The following RNFT2 variants were observed in gnomAD, a reference collection of about 807,000 sequenced individuals.
The protein encoded by RNFT2 is ring finger protein, transmembrane 2.
In RNFT2, 36 loss-of-function variants were observed where a neutral mutation model predicts 53.0. The ratio of observed to expected loss-of-function variants is 0.68; its 90% CI spans 0.52 to 0.90. The LOEUF (loss-of-function observed/expected upper bound fraction) is 0.90, where lower values mean the gene tolerates loss of function less well. Ranked by LOEUF, RNFT2 falls within the 40% of genes least tolerant of loss-of-function variation. RNFT2 has a pLI of 0.00. For missense variants in RNFT2, 514 were observed against 585.6 expected, an observed-to-expected ratio of 0.88 and a Z score of 1.26; for synonymous variants, 260 against 253.2, an observed-to-expected ratio of 1.03 and a Z score of -0.26.
intron 7 of RNFT2, among the ~76,000 whole-genome samples, chr12:116,797,311 G>T (rs1197645672): frequency 2.0e-5 from 3 of 152,186 alleles, no homozygotes; most frequent in Non-Finnish European, 2.9e-5. Flanking sequence ...TGTAATCCCA[G>T]CACTTTGGGA....
intron 7 of RNFT2, among the ~76,000 whole-genome samples, chr12:116,832,895 G>GTTTT (rs1331079468): frequency 1.2e-5 from 1 of 82,798 alleles, no homozygotes; most frequent in Non-Finnish European, 2.4e-5. Context: ...CCCAAGTCGT[G>GTTTT]TTCTTTTTTT....
intron 5 of RNFT2, chr12:116,755,765 C>G: frequency 6.7e-7 from 1 of 1,492,160 alleles, no homozygotes; most frequent in South Asian, 1.1e-5. Flanking sequence ...TACGATATCA[C>G]CTTTCTTATA....
At chr12:116,841,828 TATATAA>T (rs1212586748) in intron 10 of RNFT2, among the ~76,000 whole-genome samples, 2 of 29,718 alleles carry the variant, frequency 6.7e-5, no homozygotes, top group East Asian at 1.4e-3. Context: ...AAAATATATA[TATATAA>T]ATATATATAT....
At chr12:116,832,148 A>AAATATATATATATATAT (rs1555209702) in intron 7 of RNFT2, among the ~76,000 whole-genome samples, 9 of 55,174 alleles carry the variant, frequency 1.6e-4, no homozygotes, top group African/African-American at 6.3e-4. Flanking sequence ...AAAAAAAAAA[A>AAATATATATATATATAT]ATATATATAT....
chr12:116,778,439 G>A (rs902755672), intron 6 of RNFT2, among the ~76,000 whole-genome samples: 3 of 152,218 alleles, frequency 2.0e-5, no homozygotes, highest in Non-Finnish European at 4.4e-5. Context: ...CTGGGGTTTT[G>A]TCTGCTTCCC....
chr12:116,747,479 C>G (rs1871952324), intron 3 of RNFT2, among the ~76,000 whole-genome samples: 1 of 152,020 alleles, frequency 6.6e-6, no homozygotes, highest in African/African-American at 2.4e-5. Context: ...CTCTAGGGAG[C>G]TATGATCACA....
At position 116,806,381 on chromosome 12, in the gene RNFT2, A is replaced by ATATAT. The variant is rs1555207575; in HGVS notation, c.882+27033_882+27034insTATAT. Among the ~76,000 whole-genome samples, 38 of 133,468 alleles carry ATATAT rather than the reference A, an allele frequency of 2.8e-4. 1 individual carries two copies. Among genetic ancestry groups the ATATAT allele is most frequent in the South Asian group, 4.7e-4 (2 of 4,292 alleles). The allele number at this position is 133,468 out of a possible 152,430, so 87.6% of individuals were successfully genotyped here. A position where few individuals can be genotyped will look rare whatever the true frequency, so the allele number is the denominator to read the frequency against. Reference sequence around the variant, plus strand: ...TGAGACTGTCTCAAAAAAAAAAAAAAATATATATATATATATATAGATAGA... The same window carrying ATATAT: ...TGAGACTGTCTCAAAAAAAAAAAAAATATATATATATATATATATATATAGATAGA... On this transcript the variant is annotated intron_variant, in intron 7 of 10. Coordinates refer to ENST00000257575, the MANE Select transcript of RNFT2 (RefSeq NM_001382266.1).
At chr12:116,841,868 TAAATATATATATAAATATATATAA>T (rs1877319352) in intron 10 of RNFT2, among the ~76,000 whole-genome samples, 2 of 25,762 alleles carry the variant, frequency 7.8e-5, no homozygotes, top group South Asian at 7.2e-4. Context: ...AATATATATA[TAAATATATATATAAATATATATAA>T]AAATATATAT....
Position 116,789,960 on chromosome 12 carries a change from G to GTGGATGGATGGATGGA in RNFT2, c.882+10630_882+10645dup, listed in dbSNP as rs71095596. Among the ~76,000 whole-genome samples, 644 of 146,276 alleles carry GTGGATGGATGGATGGA rather than the reference G, an allele frequency of 4.4e-3. 1 individual carries two copies. Among genetic ancestry groups the GTGGATGGATGGATGGA allele is most frequent in the Non-Finnish European group, 6.6e-3 (439 of 66,536 alleles). ...GGATGGATGGATGGTGGATGGGTGGGTGGATGGATGGATGGATGGATGGAT... is the reference window on the plus strand; with the variant it reads ...GGATGGATGGATGGTGGATGGGTGGGTGGATGGATGGATGGATGGATGGATGGATGGATGGATGGAT... On this transcript the variant is annotated intron_variant, in intron 7 of 10. Coordinates refer to ENST00000257575, the MANE Select transcript of RNFT2 (RefSeq NM_001382266.1).
intron 7 of RNFT2, among the ~76,000 whole-genome samples, chr12:116,806,019 A>AC (rs1875030679): frequency 6.6e-6 from 1 of 152,224 alleles, no homozygotes; most frequent in Non-Finnish European, 1.5e-5. Context: ...ATTAAACTAA[A>AC]CATATAGTCC....
intron 4 of RNFT2, among the ~76,000 whole-genome samples, chr12:116,752,854 G>A (rs537197150): frequency 3.9e-5 from 6 of 152,106 alleles, no homozygotes; most frequent in Non-Finnish European, 7.4e-5. Flanking sequence ...CTCCAGCCTG[G>A]GCGACAGAGT....
At chr12:116,763,651 C>T (rs371167096) in intron 5 of RNFT2, among the ~76,000 whole-genome samples, 23 of 150,952 alleles carry the variant, frequency 1.5e-4, no homozygotes, top group African/African-American at 5.1e-4. Context: ...TGGTGGCAGA[C>T]GCCTGTAGTC....
chr12:116,799,595 G>T (rs962482589), intron 7 of RNFT2, among the ~76,000 whole-genome samples: 1 of 151,984 alleles, frequency 6.6e-6, no homozygotes, highest in Admixed American at 6.6e-5. Context: ...TTTTAACAGC[G>T]GTTGTGTGTA....
intron 6 of RNFT2, among the ~76,000 whole-genome samples, chr12:116,767,265 A>C (rs1407377853): frequency 2.0e-5 from 3 of 152,118 alleles, no homozygotes; most frequent in Non-Finnish European, 2.9e-5. Flanking sequence ...TGCATCACCC[A>C]GGCTGGCAGT....
chr12:116,837,520 A>T (rs1877041665), intron 10 of RNFT2, among the ~76,000 whole-genome samples: 1 of 151,944 alleles, frequency 6.6e-6, no homozygotes, highest in South Asian at 2.1e-4. Flanking sequence ...ATCGACAAGC[A>T]TTTTTGTTGC....
chr12:116,848,427 C>CT (rs1877727938), intron 10 of RNFT2, among the ~76,000 whole-genome samples: 1 of 152,172 alleles, frequency 6.6e-6, no homozygotes, highest in East Asian at 1.9e-4. Flanking sequence ...TATCAGGTCA[C>CT]TCCTCTGCTC....
At position 116,750,359 on chromosome 12, in the gene RNFT2, C is replaced by T. The variant is rs141825883; in HGVS notation, c.550+52C>T. The T allele has an allele frequency of 2.5e-4, 380 of 1,530,880 alleles. 2 individuals carry two copies. The African/African-American group carries it at 4.9e-3, about 20-fold the overall frequency. The allele number at this position is 1,530,880 out of a possible 1,614,324, so 94.8% of individuals were successfully genotyped here. On this transcript the variant is annotated intron_variant, in intron 4 of 10. Coordinates refer to ENST00000257575, the MANE Select transcript of RNFT2 (RefSeq NM_001382266.1). ...AGCCATGGGCTTCACAGGCAGGCTGCCTGCAGCCGGTGGGGTGGGGGCTCC... is the reference window on the plus strand; with the variant it reads ...AGCCATGGGCTTCACAGGCAGGCTGTCTGCAGCCGGTGGGGTGGGGGCTCC...
At chr12:116,822,936 G>A (rs901078896) in intron 7 of RNFT2, among the ~76,000 whole-genome samples, 3 of 152,252 alleles carry the variant, frequency 2.0e-5, no homozygotes, top group African/African-American at 7.2e-5. Flanking sequence ...GGCAGAGATT[G>A]CAGTGAGCCA....
chr12:116,806,395 T>G (rs9737761), intron 7 of RNFT2, among the ~76,000 whole-genome samples: 2 of 139,412 alleles, frequency 1.4e-5, no homozygotes, highest in Admixed American at 7.3e-5. Flanking sequence ...TATATATATA[T>G]ATATAGATAG....
Sources: allele counts gnomAD v4.1 joint callset (sites outside exome capture counted in the v4.1 genomes callset), GRCh38; gene constraint gnomAD v4.1.1; transcripts MANE v1.5; gene names NCBI Gene and HGNC (gene_info 2026-07-23, HGNC 2026-07-21).